The following MTUS2 variants were observed in gnomAD, a reference collection of about 807,000 sequenced individuals.
The protein encoded by MTUS2 is microtubule-associated tumor suppressor candidate 2.
MTUS2 carries 40 observed loss-of-function variants against 114.1 expected under a neutral mutation model. The ratio of observed to expected loss-of-function variants is 0.35; its 90% CI spans 0.27 to 0.46. MTUS2 has a LOEUF of 0.46. MTUS2 is among the 20% of genes least tolerant of loss of function. MTUS2 has a pLI of 1.00. For missense variants in MTUS2, 1,679 were observed against 1,705.4 expected (o/e 0.98, Z 0.27); for synonymous variants, 688 against 672.0 (o/e 1.02, Z -0.37).
At chr13:28,925,714 C>T (rs1272292256) in intron 2 of MTUS2, among the ~76,000 whole-genome samples, 2 of 152,136 alleles carry the variant, frequency 1.3e-5, no homozygotes, top group Non-Finnish European at 2.9e-5. Flanking sequence ...TCTCAAATTC[C>T]TTATATACTC....
chr13:28,919,144 T>A (rs1420963683), intron 2 of MTUS2, among the ~76,000 whole-genome samples: 1 of 152,190 alleles, frequency 6.6e-6, no homozygotes, highest in Non-Finnish European at 1.5e-5. Flanking sequence ...TATGTTTTTC[T>A]GTGTGCTATT....
rs185728061 is a variant in MTUS2 at position 29,196,285 on chromosome 13, C to T, written c.2645-85419C>T. Among the ~76,000 whole-genome samples the T allele has an allele frequency of 1.9e-3, 289 of 151,966 alleles. 3 individuals carry two copies. Among genetic ancestry groups the T allele is most frequent in the African/African-American group, 5.0e-3 (208 of 41,448 alleles). ...CTAATTTTTGCAGTTTTAGTAGAGA[C>T]GGGGGTTTCACCACGTTGACCAGGC... On this transcript the variant is annotated intron_variant, in intron 5 of 15. Coordinates refer to ENST00000612955, the MANE Select transcript of MTUS2 (RefSeq NM_001033602.4).
At chr13:28,914,400 TG>T (rs1197835841) in intron 2 of MTUS2, among the ~76,000 whole-genome samples, 1 of 152,032 alleles carries the variant, frequency 6.6e-6, no homozygotes, top group Non-Finnish European at 1.5e-5. Flanking sequence ...TGTAGTTTTG[TG>T]GTTTTGAGTG....
chr13:29,036,386 A>G (rs1887073068), intron 4 of MTUS2, among the ~76,000 whole-genome samples: 1 of 152,172 alleles, frequency 6.6e-6, no homozygotes, highest in African/African-American at 2.4e-5. Flanking sequence ...CAAATCTCAA[A>G]GGTAAACAAG....
chr13:28,967,461 G>A (rs575527727), intron 2 of MTUS2, among the ~76,000 whole-genome samples: 1 of 152,206 alleles, frequency 6.6e-6, no homozygotes, highest in Non-Finnish European at 1.5e-5. Flanking sequence ...AAATAAAAAA[G>A]CTCTGGTCTG....
chr13:29,433,358 G>A (rs1336418314), intron 8 of MTUS2, among the ~76,000 whole-genome samples: 1 of 152,174 alleles, frequency 6.6e-6, no homozygotes, highest in Admixed American at 6.6e-5. Context: ...GTATTAAATG[G>A]GAAGGATACT....
intron 7 of MTUS2, among the ~76,000 whole-genome samples, chr13:29,358,884 A>G (rs548062815): frequency 6.3e-4 from 95 of 151,352 alleles, no homozygotes; most frequent in Non-Finnish European, 6.0e-4. Context: ...CTAGACGATT[A>G]TAAGTCTGAC....
At chr13:29,364,444 T>G (rs921229408) in intron 8 of MTUS2, among the ~76,000 whole-genome samples, 2 of 152,260 alleles carry the variant, frequency 1.3e-5, no homozygotes. Flanking sequence ...GGAACTGTTT[T>G]TAAAAGTGCA....
At chr13:29,404,084 G>T (rs1874562406) in intron 8 of MTUS2, among the ~76,000 whole-genome samples, 1 of 147,454 alleles carries the variant, frequency 6.8e-6, no homozygotes, top group South Asian at 2.1e-4. Flanking sequence ...TTCAGAGAAA[G>T]AACTGCCTAA....
chr13:29,206,919 G>A (rs1181346960), intron 5 of MTUS2, among the ~76,000 whole-genome samples: 2 of 152,012 alleles, frequency 1.3e-5, no homozygotes, highest in East Asian at 3.9e-4. Context: ...ATGAATTTTA[G>A]AATTGTTTTT....
At chr13:29,181,240 G>A (rs545022346) in intron 5 of MTUS2, among the ~76,000 whole-genome samples, 1 of 152,214 alleles carries the variant, frequency 6.6e-6, no homozygotes, top group Non-Finnish European at 1.5e-5. Flanking sequence ...ATCAGCCACT[G>A]GTAGCAGCAG....
intron 4 of MTUS2, among the ~76,000 whole-genome samples, chr13:29,096,164 A>C (rs1026340604): frequency 6.6e-6 from 1 of 152,162 alleles, no homozygotes; most frequent in Non-Finnish European, 1.5e-5. Flanking sequence ...TGGTTGATCT[A>C]CTTTAATGAA....
At chr13:29,117,069 C>T (rs1891119354) in intron 5 of MTUS2, among the ~76,000 whole-genome samples, 2 of 152,140 alleles carry the variant, frequency 1.3e-5, no homozygotes, top group African/African-American at 4.8e-5. Context: ...GGCCCTTCTC[C>T]TTCTTTGGGA....
At chr13:29,393,936 C>T (rs534472969) in intron 8 of MTUS2, among the ~76,000 whole-genome samples, 43 of 152,222 alleles carry the variant, frequency 2.8e-4, no homozygotes, top group Middle Eastern at 3.4e-3. Context: ...AGGAGGCAAT[C>T]AGATATGCAT....
chr13:29,387,512 C>G (rs1270798366), intron 8 of MTUS2, among the ~76,000 whole-genome samples: 1 of 152,134 alleles, frequency 6.6e-6, no homozygotes, highest in Non-Finnish European at 1.5e-5. Context: ...ATGTGACAAT[C>G]TAGGTCATGA....
chr13:29,474,479 A>G (rs1880544238), intron 9 of MTUS2, among the ~76,000 whole-genome samples: 1 of 152,244 alleles, frequency 6.6e-6, no homozygotes, highest in Admixed American at 6.5e-5. Flanking sequence ...CATGACAGGA[A>G]TTCAACATAC....
rs540964382 is a variant in MTUS2 at position 29,162,478 on chromosome 13, A to C, written c.2644+61508A>C. Among the ~76,000 whole-genome samples the C allele has an allele frequency of 5.3e-5, 8 of 152,226 alleles. No individual in the cohort carries two copies. The South Asian group carries it at 1.7e-3, about 32-fold the overall frequency. On this transcript the variant is annotated intron_variant, in intron 5 of 15. Coordinates refer to ENST00000612955, the MANE Select transcript of MTUS2 (RefSeq NM_001033602.4). Reference sequence around the variant, plus strand: ...TCTCACTAAATTAAAGAGTGTGTTTACATCTGTGATGAATTATAATACAAT... The same window carrying C: ...TCTCACTAAATTAAAGAGTGTGTTTCCATCTGTGATGAATTATAATACAAT...
chr13:28,935,870 C>G (rs1343097235), intron 2 of MTUS2, among the ~76,000 whole-genome samples: 1 of 152,078 alleles, frequency 6.6e-6, no homozygotes, highest in Non-Finnish European at 1.5e-5. Flanking sequence ...CCTCAACCTC[C>G]TGAGTAGCTG....
Position 29,354,855 on chromosome 13 carries a change from C to T in MTUS2, c.2906-4407C>T, listed in dbSNP as rs192209653. On this transcript the variant is annotated intron_variant, in intron 7 of 15. Coordinates refer to ENST00000612955, the MANE Select transcript of MTUS2 (RefSeq NM_001033602.4). ...TAGATTGGTTTGATAAAAATAAAGC[C>T]TGTCCAAGTCCATGAAGAACTCAGC... 2.6e-5 allele frequency among the ~76,000 whole-genome samples: 4 copies of T among 152,322 alleles called. No homozygotes were observed. The East Asian group carries it at 7.7e-4, about 29-fold the overall frequency.
Sources: gnomAD v4.1 joint callset for allele counts (sites outside exome capture counted in the v4.1 genomes callset) on GRCh38, gnomAD v4.1.1 for gene constraint, MANE v1.5 for transcripts, NCBI Gene and HGNC (gene_info 2026-07-23, HGNC 2026-07-21) for gene names.